TTC39C: variants seen among roughly 807,000 people sequenced by gnomAD.
TTC39C encodes tetratricopeptide repeat protein 39C.
In TTC39C, 33 loss-of-function variants were observed where a neutral mutation model predicts 76.3. The ratio of observed to expected loss-of-function variants is 0.43; its 90% CI spans 0.33 to 0.58. The LOEUF is 0.58. Among genes scored for constraint, TTC39C ranks in the 20% least tolerant of loss-of-function variants. The pLI, the probability that TTC39C is intolerant of heterozygous loss-of-function variation, is 0.04. For synonymous variants in TTC39C, 254 were observed against 260.6 expected (o/e 0.97, Z 0.24); for missense variants, 595 against 701.4 (o/e 0.85, Z 1.71).
At chr18:24,043,207 C>T (rs553688933) in intron 1 of TTC39C, among the ~76,000 whole-genome samples, 1 of 152,068 alleles carries the variant, frequency 6.6e-6, no homozygotes, top group Non-Finnish European at 1.5e-5. Flanking sequence ...AAAAAAACTA[C>T]CCAGTGAGCT....
chr18:24,081,203 T>A (rs2084371485), intron 5 of TTC39C, among the ~76,000 whole-genome samples: 1 of 152,178 alleles, frequency 6.6e-6, no homozygotes, highest in African/African-American at 2.4e-5. Flanking sequence ...TTATAAGCAG[T>A]TTTTGTGACT....
rs1489162293 is a variant in TTC39C at position 24,132,654 on chromosome 18, AAG to A, written c.*82_*83del. ...AAAAGCAGAGGACAAAGCTCTTGTG[AAG>A]ATGGGCTTTTCTTCTGAAAACCACC... is the stretch of plus-strand genomic sequence containing the variant. On this transcript the variant is annotated 3_prime_UTR_variant, in exon 14 of 14. Coordinates refer to ENST00000317571, the MANE Select transcript of TTC39C (RefSeq NM_001135993.2). 6 of 1,238,752 alleles carry A rather than the reference AAG, an allele frequency of 4.8e-6. No homozygotes were observed. The African/African-American group carries it at 9.2e-5, about 19-fold the overall frequency. 76.7% of individuals were successfully genotyped at this position (1,238,752 alleles called of 1,614,324 possible). A position where few individuals can be genotyped will look rare whatever the true frequency, so the allele number is the denominator to read the frequency against.
intron 1 of TTC39C, among the ~76,000 whole-genome samples, chr18:24,030,571 G>T (rs1434937278): frequency 2.0e-5 from 3 of 151,698 alleles, no homozygotes; most frequent in African/African-American, 7.3e-5. Flanking sequence ...GGTCATAGGT[G>T]CACGCTGTTC....
At chr18:24,011,850 C>T (rs1191454954), upstream of TTC39C, among the ~76,000 whole-genome samples, 2 of 152,140 alleles carry the variant, frequency 1.3e-5, no homozygotes, top group Admixed American at 6.6e-5. Flanking sequence ...AGGAAACACT[C>T]GGATAAATCC....
intron 1 of TTC39C, chr18:24,020,038 TCA>T: frequency 7.2e-7 from 1 of 1,392,040 alleles, no homozygotes. Context: ...AGTCATCTGC[TCA>T]CAGACAAGAA....
intron 6 of TTC39C, among the ~76,000 whole-genome samples, chr18:24,099,035 GTA>G (rs10582999): frequency 0.07 from 10,264 of 146,506 alleles, 801 homozygotes; most frequent in East Asian, 0.23. Context: ...GTGTGTGTGT[GTA>G]TATATATATC....
intron 1 of TTC39C, among the ~76,000 whole-genome samples, chr18:24,001,165 G>A (rs16940420): frequency 1.3e-5 from 2 of 152,148 alleles, no homozygotes; most frequent in South Asian, 2.1e-4. Flanking sequence ...TAGTCAAGAG[G>A]TTCCTCTACC....
chr18:24,126,643 ATT>A (rs56130136), intron 10 of TTC39C, among the ~76,000 whole-genome samples: 8 of 143,236 alleles, frequency 5.6e-5, no homozygotes, highest in Non-Finnish European at 7.7e-5. Flanking sequence ...GTTCTTTTTA[ATT>A]TTTTTTTTTT....
intron 7 of TTC39C, among the ~76,000 whole-genome samples, chr18:24,116,793 G>C (rs998095509): frequency 6.7e-6 from 1 of 148,894 alleles, no homozygotes; most frequent in Admixed American, 6.7e-5. Flanking sequence ...TATGGCTTCA[G>C]CAGGTAGCTA....
intron 6 of TTC39C, among the ~76,000 whole-genome samples, chr18:24,087,587 T>TTTTTTGTTTTTC (rs1360962481): frequency 6.8e-6 from 1 of 146,806 alleles, no homozygotes; most frequent in Non-Finnish European, 1.5e-5. Flanking sequence ...GAACTGTTTT[T>TTTTTTGTTTTTC]TTTTTGTTTT....
chr18:24,107,642 G>T (rs2145798672), intron 6 of TTC39C, among the ~76,000 whole-genome samples: 1 of 152,326 alleles, frequency 6.6e-6, no homozygotes, highest in East Asian at 1.9e-4. Flanking sequence ...CTTCTGCCAT[G>T]ATTGCAAGGC....
In TTC39C at chr18:24,111,566, T is replaced by TA. The variant is rs56208965; in HGVS notation, c.985-2973dup. ...CTGGGTGACAGAGCGAGACTCTGTCTAAAAAAAAAAAAAAAGATCATTTTT... is the reference window on the plus strand; with the variant it reads ...CTGGGTGACAGAGCGAGACTCTGTCTAAAAAAAAAAAAAAAAGATCATTTTT... On this transcript the variant is annotated intron_variant, in intron 6 of 13. Coordinates refer to ENST00000317571, the MANE Select transcript of TTC39C (RefSeq NM_001135993.2). 1.4e-3 allele frequency among the ~76,000 whole-genome samples: 192 copies of TA among 138,534 alleles called. 2 individuals carry two copies. Among genetic ancestry groups the TA allele is most frequent in the South Asian group, 8.9e-3 (37 of 4,174 alleles). 90.9% of individuals were successfully genotyped at this position (138,534 alleles called of 152,430 possible). A position where few individuals can be genotyped will look rare whatever the true frequency, so the allele number is the denominator to read the frequency against.
chr18:24,087,344 C>T (rs2084453366), intron 6 of TTC39C, among the ~76,000 whole-genome samples: 1 of 152,166 alleles, frequency 6.6e-6, no homozygotes. Flanking sequence ...CAGATTTACA[C>T]AACTTTTTTC....
chr18:24,012,318 AC>A (rs2083399707), upstream of TTC39C, among the ~76,000 whole-genome samples: 1 of 151,848 alleles, frequency 6.6e-6, no homozygotes, highest in Admixed American at 6.6e-5. Flanking sequence ...TATCCACGCC[AC>A]CCCTCCCCTG....
chr18:24,071,562 G>A (rs1395879815), intron 4 of TTC39C, among the ~76,000 whole-genome samples: 1 of 152,076 alleles, frequency 6.6e-6, no homozygotes, highest in South Asian at 2.1e-4. Context: ...AAAGTATTTT[G>A]TATCTTGTTT....
chr18:24,016,413 A>G (rs2083455330), intron 1 of TTC39C, among the ~76,000 whole-genome samples: 1 of 152,194 alleles, frequency 6.6e-6, no homozygotes, highest in Admixed American at 6.5e-5. Flanking sequence ...GTACCGTGCT[A>G]TGATTCCTTT....
chr18:24,077,488 C>T (rs1209786507), intron 4 of TTC39C, among the ~76,000 whole-genome samples: 1 of 152,278 alleles, frequency 6.6e-6, no homozygotes, highest in Middle Eastern at 3.4e-3. Flanking sequence ...CTGTATGTGA[C>T]CCAATAGAGC....
At chr18:24,130,911 C>T (rs2085119093) in intron 12 of TTC39C, among the ~76,000 whole-genome samples, 1 of 150,352 alleles carries the variant, frequency 6.7e-6, no homozygotes, top group Non-Finnish European at 1.5e-5. Context: ...TGGCCAGGCT[C>T]AGTGGCTCAT....
At chr18:24,079,381 G>C (rs532162558) in intron 4 of TTC39C, among the ~76,000 whole-genome samples, 5 of 152,240 alleles carry the variant, frequency 3.3e-5, no homozygotes, top group African/African-American at 9.6e-5. Context: ...GGAGGGAGGT[G>C]GTAAATCCCA....
Sources: gnomAD v4.1 joint callset for allele counts (sites outside exome capture counted in the v4.1 genomes callset) on GRCh38, gnomAD v4.1.1 for gene constraint, MANE v1.5 for transcripts, NCBI Gene and HGNC (gene_info 2026-07-23, HGNC 2026-07-21) for gene names.